Variants in PCDHGB1 observed in about 807,000 individuals in gnomAD.
PCDHGB1 encodes the protein protocadherin gamma-B1.
PCDHGB1 carries 34 observed loss-of-function variants against 56.6 expected under a neutral mutation model. The observed-to-expected ratio is 0.60, with a 90% CI of 0.46 to 0.80. PCDHGB1 has a LOEUF of 0.80. Ranked by LOEUF, PCDHGB1 falls within the 30% of genes least tolerant of loss-of-function variation. PCDHGB1 has a pLI of 0.00. For synonymous variants in PCDHGB1, 561 were observed against 505.9 expected, an observed-to-expected ratio of 1.11 and a Z score of -1.46; for missense variants, 1,278 against 1,204.6, an observed-to-expected ratio of 1.06 and a Z score of -0.90.
intron 1 of PCDHGB1, chr5:141,392,685 A>C: frequency 8.3e-6 from 9 of 1,078,992 alleles, no homozygotes; most frequent in Non-Finnish European, 1.2e-5. Context: ...ACTGCAGCGA[A>C]ACCCGACCCC....
intron 1 of PCDHGB1, chr5:141,398,594 T>C: frequency 6.2e-7 from 1 of 1,614,028 alleles, no homozygotes; most frequent in African/African-American, 1.3e-5. Flanking sequence ...ATACTAGAAG[T>C]AGCAGAAGAT....
intron 1 of PCDHGB1, chr5:141,399,170 T>C (rs1159402714): frequency 6.2e-7 from 1 of 1,613,798 alleles, no homozygotes. Flanking sequence ...TTCCATTCTC[T>C]ACTTGAAATG....
At chr5:141,374,619 C>G in intron 1 of PCDHGB1, 2 of 1,613,466 alleles carry the variant, frequency 1.2e-6, no homozygotes, top group Non-Finnish European at 1.7e-6. Flanking sequence ...AGTCACTTCT[C>G]AGTGGACGTG....
intron 1 of PCDHGB1, chr5:141,415,230 A>G (rs1222982593): frequency 6.2e-7 from 1 of 1,614,050 alleles, no homozygotes; most frequent in Non-Finnish European, 8.5e-7. Context: ...TCGAGTCTCC[A>G]GCTAACTCTG....
At chr5:141,451,762 T>C (rs2154563695) in intron 1 of PCDHGB1, among the ~76,000 whole-genome samples, 1 of 152,100 alleles carries the variant, frequency 6.6e-6, no homozygotes, top group African/African-American at 2.4e-5. Flanking sequence ...ATGCCTATAG[T>C]CCCAGCTACT....
chr5:141,371,307 G>A lies in PCDHGB1; in HGVS notation c.2409+18638G>A, dbSNP rs1365898739. 5 of 1,613,970 alleles carry A rather than the reference G, an allele frequency of 3.1e-6. No individual in the cohort carries two copies. In the Admixed American group the frequency reaches 6.7e-5, roughly 22 times the overall value. On this transcript the variant is annotated intron_variant, in intron 1 of 3. Coordinates refer to ENST00000523390, the MANE Select transcript of PCDHGB1 (RefSeq NM_018922.3). ...TAAAACGGGGGAACTCACCACTATTGGAGAACTGGACTTTGAAGAGAGAGA... is the reference window on the plus strand; with the variant it reads ...TAAAACGGGGGAACTCACCACTATTAGAGAACTGGACTTTGAAGAGAGAGA...
At chr5:141,409,596 A>G in intron 1 of PCDHGB1, 1 of 1,613,714 alleles carries the variant, frequency 6.2e-7, no homozygotes, top group Non-Finnish European at 8.5e-7. Flanking sequence ...GCCGAGAACA[A>G]CCCGCCAGGA....
intron 1 of PCDHGB1, chr5:141,400,114 A>G: frequency 6.2e-7 from 1 of 1,614,074 alleles, no homozygotes; most frequent in Admixed American, 1.7e-5. Context: ...CTTTGCTGAC[A>G]GCTTGCAGGA....
chr5:141,364,683 G>C, intron 1 of PCDHGB1: 1 of 1,613,976 alleles, frequency 6.2e-7, no homozygotes, highest in Non-Finnish European at 8.5e-7. Flanking sequence ...AAAATTTATG[G>C]AGTAGAAGTA....
At chr5:141,482,382 T>C (rs935517099) in intron 1 of PCDHGB1, among the ~76,000 whole-genome samples, 1 of 152,146 alleles carries the variant, frequency 6.6e-6, no homozygotes, top group Admixed American at 6.6e-5. Context: ...ATAAAGTCCC[T>C]GTATGGAGCA....
chr5:141,351,381 A>G lies in PCDHGB1; in HGVS notation c.1121A>G (p.Gln374Arg), dbSNP rs1166014937. Residue 374 changes from glutamine (Q) to arginine (R), a missense_variant, in exon 1 of 4, where the codon CAA becomes CGA. Coordinates refer to ENST00000523390, the MANE Select transcript of PCDHGB1 (RefSeq NM_018922.3). ...AAAGTGCGAGACAAGGATTCTGGGC[A>G]AAATGGCATGGTGACATGCTATACT... ...LIKVRDKDSG[Q>R]NGMVTCYTQE... 3 of 1,612,406 alleles carry G rather than the reference A, an allele frequency of 1.9e-6. No homozygotes were observed. The highest frequency in any genetic ancestry group is 1.7e-5 in the Admixed American group (1 of 59,712).
Position 141,409,092 on chromosome 5 carries a change from A to C in PCDHGB1, c.2409+56423A>C, listed in dbSNP as rs150634031. On this transcript the variant is annotated intron_variant, in intron 1 of 3. Coordinates refer to ENST00000523390, the MANE Select transcript of PCDHGB1 (RefSeq NM_018922.3). ...AAACATATGTTCTCATTGGATGAGA[A>C]AACAGGTATGATTAAGAATAACCAG... 12 of 1,614,050 alleles carry C rather than the reference A, an allele frequency of 7.4e-6. No homozygotes were observed. The East Asian group carries it at 2.7e-4, about 36-fold the overall frequency.
At chr5:141,471,215 A>G (rs1562030197) in intron 1 of PCDHGB1, 1 of 149,038 alleles carries the variant, frequency 6.7e-6, no homozygotes, top group Non-Finnish European at 1.5e-5. Context: ...ATGCCTGGCA[A>G]TTTTTTTGTA....
At chr5:141,356,631 AG>A (rs769542220) in intron 1 of PCDHGB1, 2 of 1,614,168 alleles carry the variant, frequency 1.2e-6, no homozygotes, top group Non-Finnish European at 1.7e-6. Context: ...TGACTGCTCA[AG>A]ACCCTGACAG....
Position 141,490,732 on chromosome 5 carries a change from G to T in PCDHGB1, c.2410-4075G>T, listed in dbSNP as rs775388969. 4 of 1,614,188 alleles carry T rather than the reference G, an allele frequency of 2.5e-6. No individual in the cohort carries two copies. Among genetic ancestry groups the T allele is most frequent in the Non-Finnish European group, 3.4e-6 (4 of 1,180,042 alleles). ...CACCTACTCCATTGTAGGAAATCAGGTTCAGGGAGCCCCAGCCTCCTCCTT... is the reference window on the plus strand; with the variant it reads ...CACCTACTCCATTGTAGGAAATCAGTTTCAGGGAGCCCCAGCCTCCTCCTT... On this transcript the variant is annotated intron_variant, in intron 1 of 3. Transcript: ENST00000523390. The surrounding 1 kb of genome is among the most constrained non-coding windows in gnomAD (Gnocchi z 5.4).
At chr5:141,364,723 G>C in intron 1 of PCDHGB1, 1 of 1,613,938 alleles carries the variant, frequency 6.2e-7, no homozygotes. Flanking sequence ...ATAACTTCCC[G>C]CGTTTCCGGG....
At chr5:141,505,523 G>C in intron 3 of PCDHGB1, 42 bp downstream of exon 3, 2 of 1,612,760 alleles carry the variant, frequency 1.2e-6, no homozygotes, top group South Asian at 2.2e-5. Context: ...GGGAGACCTG[G>C]GGTTCTGGGG....
At chr5:141,365,844 T>C (rs1264460635) in intron 1 of PCDHGB1, 2 of 1,613,980 alleles carry the variant, frequency 1.2e-6, no homozygotes, top group Non-Finnish European at 1.7e-6. Context: ...TCCTCCTATG[T>C]ATCCATTAAC....
chr5:141,393,052 G>A, intron 1 of PCDHGB1: 1 of 1,613,612 alleles, frequency 6.2e-7, no homozygotes, highest in Non-Finnish European at 8.5e-7. Flanking sequence ...CTGAACCCGC[G>A]CAGCGGCAGC....
Sources: gnomAD v4.1 joint callset for allele counts (sites outside exome capture counted in the v4.1 genomes callset) on GRCh38, gnomAD v4.1.1 for gene constraint, Gnocchi (gnomAD v3.1) non-coding constraint, MANE v1.5 for transcripts, NCBI Gene and HGNC (gene_info 2026-07-23, HGNC 2026-07-21) for gene names.